The following PECR variants were observed in gnomAD, a reference collection of about 807,000 sequenced individuals.
PECR encodes the protein peroxisomal trans-2-enoyl-CoA reductase.
Under a neutral mutation model 35.3 loss-of-function variants are expected in PECR, and 30 were observed. That is an observed-to-expected ratio of 0.85 (90% CI 0.64 to 1.15). The LOEUF (loss-of-function observed/expected upper bound fraction) is 1.15, where lower values mean the gene tolerates loss of function less well. Among genes scored for constraint, PECR ranks in the 50% most tolerant of loss-of-function variants. The pLI is 0.00. For synonymous variants in PECR, 148 were observed against 138.9 expected (o/e 1.07, Z -0.46); for missense variants, 392 against 370.8 (o/e 1.06, Z -0.47).
At chr2:216,081,189 T>C (rs1354438226) in intron 1 of PECR, among the ~76,000 whole-genome samples, 1 of 152,232 alleles carries the variant, frequency 6.6e-6, no homozygotes, top group Non-Finnish European at 1.5e-5. Context: ...TTCAGCATAT[T>C]TCCTTGCTGT....
intron 7 of PECR, among the ~76,000 whole-genome samples, chr2:216,042,281 TC>T (rs1694901003): frequency 6.6e-6 from 1 of 152,214 alleles, no homozygotes; most frequent in Admixed American, 6.5e-5. Flanking sequence ...ACAGAAGTCT[TC>T]CGTGCTAATG....
Position 216,077,569 on chromosome 2 carries a change from A to G in PECR, c.124+4049T>C, listed in dbSNP as rs958004528. ...ACGCCTGTAATCCCAGCACTTTGGG[A>G]GGCTGAGGCGGGCAGAGCACAAGGT... On this transcript the variant is annotated intron_variant, in intron 1 of 7. Coordinates refer to ENST00000265322, the MANE Select transcript of PECR (RefSeq NM_018441.6). Among the ~76,000 whole-genome samples, 2 of 152,066 alleles carry G rather than the reference A, an allele frequency of 1.3e-5. 1 individual carries two copies. Among genetic ancestry groups the G allele is most frequent in the Admixed American group, 1.3e-4 (2 of 15,276 alleles).
intron 1 of PECR, among the ~76,000 whole-genome samples, chr2:216,068,490 TAA>T (rs1695515991): frequency 6.6e-6 from 1 of 151,924 alleles, no homozygotes; most frequent in South Asian, 2.1e-4. Context: ...GATGGCAAAA[TAA>T]AGACTTTTTC....
chr2:216,035,290 T>TCC (rs950265831), downstream of PECR, among the ~76,000 whole-genome samples: 3 of 152,100 alleles, frequency 2.0e-5, no homozygotes, highest in African/African-American at 4.8e-5. Context: ...TCCCAGCACC[T>TCC]CCCTCAGGGG....
At chr2:216,074,664 G>T (rs866638851) in intron 1 of PECR, among the ~76,000 whole-genome samples, 1 of 152,162 alleles carries the variant, frequency 6.6e-6, no homozygotes, top group South Asian at 2.1e-4. Context: ...GATTCACATG[G>T]ATTATCTAAA....
intron 1 of PECR, among the ~76,000 whole-genome samples, chr2:216,069,934 CAAAAAAA>C (rs35689726): frequency 4.9e-5 from 5 of 101,304 alleles, no homozygotes; most frequent in African/African-American, 9.8e-5. Context: ...AAGACTCTGT[CAAAAAAA>C]AAAAAAAAAA....
chr2:216,080,908 T>C (rs1695826964), intron 1 of PECR, among the ~76,000 whole-genome samples: 2 of 152,172 alleles, frequency 1.3e-5, no homozygotes, highest in Non-Finnish European at 2.9e-5. Flanking sequence ...CCCAAAACTT[T>C]AGGACTCAGA....
intron 2 of PECR, among the ~76,000 whole-genome samples, chr2:216,066,144 G>A (rs146890846): frequency 1.7e-4 from 26 of 151,928 alleles, no homozygotes; most frequent in African/African-American, 6.3e-4. Flanking sequence ...AAATAAAAAT[G>A]AAGACTTAAA....
chr2:216,070,578 C>T (rs1382284772), intron 1 of PECR, among the ~76,000 whole-genome samples: 1 of 152,298 alleles, frequency 6.6e-6, no homozygotes, highest in African/African-American at 2.4e-5. Flanking sequence ...GTCATTACGA[C>T]ACTGAACGAA....
intron 6 of PECR, among the ~76,000 whole-genome samples, chr2:216,047,872 C>T (rs1559209758): frequency 6.6e-6 from 1 of 151,946 alleles, no homozygotes; most frequent in Non-Finnish European, 1.5e-5. Flanking sequence ...ATATTATATG[C>T]CCCTAATCTG....
intron 4 of PECR, 133 bp downstream of exon 4, chr2:216,058,762 A>G (rs1416668939): frequency 6.4e-6 from 4 of 626,790 alleles, no homozygotes; most frequent in Non-Finnish European, 1.2e-5. Flanking sequence ...ATAAAATAAA[A>G]TGTTAACTGT....
At chr2:216,040,484 G>A (rs946253615) in intron 7 of PECR, among the ~76,000 whole-genome samples, 10 of 152,060 alleles carry the variant, frequency 6.6e-5, no homozygotes, top group Non-Finnish European at 1.5e-4. Flanking sequence ...GAATTCCTGG[G>A]ATCAAGCAAT....
intron 6 of PECR, among the ~76,000 whole-genome samples, chr2:216,047,607 T>C (rs1020064970): frequency 5.3e-5 from 8 of 152,234 alleles, no homozygotes; most frequent in African/African-American, 1.9e-4. Context: ...TTTAATATGT[T>C]TCATTACCAG....
chr2:216,048,957 A>G lies in PECR; in HGVS notation c.714+306T>C, dbSNP rs116602126. On this transcript the variant is annotated intron_variant, in intron 6 of 7. Coordinates refer to ENST00000265322, the MANE Select transcript of PECR (RefSeq NM_018441.6). ...GAACTTCATATGGCCATAGTTGTCT[A>G]ATTTGCTTAGGGTCCTGTGTACCAA... is the stretch of plus-strand genomic sequence containing the variant. Among the ~76,000 whole-genome samples, 871 of 152,172 alleles carry G rather than the reference A, an allele frequency of 5.7e-3. 12 individuals are homozygous for G. Among genetic ancestry groups the G allele is most frequent in the African/African-American group, 0.02 (826 of 41,522 alleles).
rs1306171797 is a variant in PECR, at chr2:216,081,652, G to A, written c.90C>T (p.Ile30=). The A allele has an allele frequency of 6.2e-7, 1 of 1,613,420 alleles. No homozygotes were observed. The highest frequency in any genetic ancestry group is 8.5e-7 in the Non-Finnish European group (1 of 1,179,922). ...GGAGCTCCTTCACGATGGCTTTTCCGATGCCCGTGGCCCCGCCGGTGACGA... is the reference window on the plus strand; with the variant it reads ...GGAGCTCCTTCACGATGGCTTTTCCAATGCCCGTGGCCCCGCCGGTGACGA... ...VAIVTGGATG[I]GKAIVKELLE... is the part of the protein sequence containing the mutation. The change falls in exon 1 of 8, where the codon ATC becomes ATT. Residue 30 remains isoleucine (I), a synonymous_variant. Coordinates refer to ENST00000265322, the MANE Select transcript of PECR (RefSeq NM_018441.6).
At chr2:216,047,651 TA>T (rs1456362665) in intron 6 of PECR, among the ~76,000 whole-genome samples, 1 of 152,256 alleles carries the variant, frequency 6.6e-6, no homozygotes, top group Non-Finnish European at 1.5e-5. Flanking sequence ...AGCTTCATAG[TA>T]TGTAAATACA....
rs115532404 is a variant in PECR, at chr2:216,058,146, G to A, written c.506+749C>T. On this transcript the variant is annotated intron_variant, in intron 4 of 7. Transcript: ENST00000265322. ...CCTCCAGGGCTTGCACGACGGCTGC[G>A]CTCTGCCCCCAGAGTTTCTCTTGCA... 2.9e-3 allele frequency among the ~76,000 whole-genome samples: 446 copies of A among 152,248 alleles called. 8 individuals carry two copies. Among genetic ancestry groups the A allele is most frequent in the African/African-American group, 0.01 (428 of 41,496 alleles).
intron 1 of PECR, among the ~76,000 whole-genome samples, chr2:216,067,468 C>CA (rs1404483656): frequency 2.0e-5 from 3 of 152,186 alleles, no homozygotes; most frequent in Admixed American, 6.5e-5. Context: ...AAAGGCTGCT[C>CA]AGATCAAGCC....
In PECR at chr2:216,058,970, C is replaced by A; in HGVS notation, c.431G>T (p.Ser144Ile). The A allele has an allele frequency of 1.2e-6, 2 of 1,600,098 alleles. No homozygotes were observed. Among genetic ancestry groups the A allele is most frequent in the Non-Finnish European group, 1.7e-6 (2 of 1,167,558 alleles). Residue 144 changes from serine (S) to isoleucine (I), a missense_variant, in exon 4 of 8, where the codon AGC becomes ATC. Coordinates refer to ENST00000265322, the MANE Select transcript of PECR (RefSeq NM_018441.6). ...GTFYMCKAVYSSWMKEHGGSI... is the reference protein window; with the variant it reads ...GTFYMCKAVYISWMKEHGGSI... Reference sequence around the variant, plus strand: ...TCCTCCATGCTCTTTCATCCAGGAGCTGTAAACTGCAGGATAGAGGCAAAC... The same window carrying A: ...TCCTCCATGCTCTTTCATCCAGGAGATGTAAACTGCAGGATAGAGGCAAAC...
Sources: gnomAD v4.1 joint callset for allele counts (sites outside exome capture counted in the v4.1 genomes callset) on GRCh38, gnomAD v4.1.1 for gene constraint, MANE v1.5 for transcripts, NCBI Gene and HGNC (gene_info 2026-07-23, HGNC 2026-07-21) for gene names.